Variants in SCFD2 observed in about 807,000 individuals in gnomAD.
SCFD2 encodes sec1 family domain containing 2, also known as sec1 family domain-containing protein 2.
In SCFD2, 54 loss-of-function variants were observed where a neutral mutation model predicts 58.9. That is an observed-to-expected ratio of 0.92 (90% CI 0.74 to 1.15). The LOEUF (loss-of-function observed/expected upper bound fraction) is 1.15. Among genes scored for constraint, SCFD2 ranks in the 50% most tolerant of loss-of-function variants. The pLI is 0.00. For missense variants in SCFD2, 805 were observed against 836.6 expected (o/e 0.96, Z 0.47); for synonymous variants, 321 against 335.9 (o/e 0.96, Z 0.49).
chr4:53,319,454 C>A (rs1436287281), intron 2 of SCFD2, among the ~76,000 whole-genome samples: 4 of 152,118 alleles, frequency 2.6e-5, no homozygotes, highest in African/African-American at 9.7e-5. Flanking sequence ...AATTGCCTTA[C>A]AGGTATTATT....
Position 53,170,317 on chromosome 4 carries a change from A to G in SCFD2, c.1312-24735T>C, listed in dbSNP as rs749635786. Among the ~76,000 whole-genome samples the G allele has an allele frequency of 6.6e-5, 10 of 152,300 alleles. No individual in the cohort carries two copies. The East Asian group carries it at 9.6e-4, about 15-fold the overall frequency. On this transcript the variant is annotated intron_variant, in intron 4 of 8. Transcript: ENST00000401642. ...CTTTTTCCCACTGTGTGGATTGGGCATCTTTGGCAAAAATCAATTTTCTGA... is the reference window on the plus strand; with the variant it reads ...CTTTTTCCCACTGTGTGGATTGGGCGTCTTTGGCAAAAATCAATTTTCTGA...
At chr4:53,102,700 C>CA (rs920591259) in intron 5 of SCFD2, among the ~76,000 whole-genome samples, 1 of 151,778 alleles carries the variant, frequency 6.6e-6, no homozygotes, top group African/African-American at 2.4e-5. Flanking sequence ...ATCAGTTTGA[C>CA]AAAAAAACAA....
intron 6 of SCFD2, among the ~76,000 whole-genome samples, chr4:52,911,472 G>A (rs1005130718): frequency 6.6e-6 from 1 of 152,122 alleles, no homozygotes; most frequent in African/African-American, 2.4e-5. Context: ...CTTTGTGATT[G>A]TTCTGTGCTA....
chr4:53,049,628 A>T (rs1723133820), intron 5 of SCFD2, among the ~76,000 whole-genome samples: 1 of 152,130 alleles, frequency 6.6e-6, no homozygotes. Context: ...AAATGACAGA[A>T]TAATGTTAAA....
At chr4:53,330,583 C>T (rs1298630317) in intron 2 of SCFD2, among the ~76,000 whole-genome samples, 1 of 152,106 alleles carries the variant, frequency 6.6e-6, no homozygotes, top group African/African-American at 2.4e-5. Flanking sequence ...TTTACAAGAG[C>T]TCCTGAAGGA....
chr4:53,185,828 TA>T (rs1727721595), intron 4 of SCFD2, among the ~76,000 whole-genome samples: 2 of 152,096 alleles, frequency 1.3e-5, no homozygotes, highest in South Asian at 4.1e-4. Context: ...TAAAAGTTAA[TA>T]AAACTGGCTC....
At chr4:53,119,540 A>C (rs2148890900) in intron 5 of SCFD2, among the ~76,000 whole-genome samples, 1 of 152,290 alleles carries the variant, frequency 6.6e-6, no homozygotes, top group African/African-American at 2.4e-5. Flanking sequence ...GGAGTGGATC[A>C]GAGGAAGAGA....
intron 5 of SCFD2, among the ~76,000 whole-genome samples, chr4:53,064,475 G>A (rs1413171392): frequency 1.3e-5 from 2 of 152,098 alleles, no homozygotes; most frequent in Non-Finnish European, 2.9e-5. Flanking sequence ...CTGAAGACAC[G>A]ATAGAGCCCA....
rs180829600 is a variant in SCFD2 at position 53,123,539 on chromosome 4, G to A, written c.1561+21794C>T. Among the ~76,000 whole-genome samples, 4 of 132,796 alleles carry A rather than the reference G, an allele frequency of 3.0e-5. 1 individual carries two copies. The Middle Eastern group carries it at 0.012, about 398-fold the overall frequency. The allele number at this position is 132,796 out of a possible 152,430, so 87.1% of individuals were successfully genotyped here. A position where few individuals can be genotyped will look rare whatever the true frequency, so the allele number is the denominator to read the frequency against. On this transcript the variant is annotated intron_variant, in intron 5 of 8. Transcript: ENST00000401642. ...GCTAACATGAGATGGGGGTGGGGGGGGGGCACTGACAAACATTCCTAGCAA... is the reference window on the plus strand; with the variant it reads ...GCTAACATGAGATGGGGGTGGGGGGAGGGCACTGACAAACATTCCTAGCAA...
chr4:53,086,813 G>A (rs1724319056), intron 5 of SCFD2, among the ~76,000 whole-genome samples: 2 of 152,164 alleles, frequency 1.3e-5, no homozygotes, highest in African/African-American at 4.8e-5. Context: ...TCACTTATTT[G>A]TGGGTGCCAA....
At chr4:53,247,867 CAAAAAAAA>C (rs35585900) in intron 4 of SCFD2, among the ~76,000 whole-genome samples, 969 of 54,524 alleles carry the variant, frequency 0.018, 11 homozygotes, top group African/African-American at 0.056. Context: ...GACTCCGTCT[CAAAAAAAA>C]AAAAAAAAAA....
At chr4:52,882,449 G>A (rs919730968) in intron 8 of SCFD2, among the ~76,000 whole-genome samples, 1 of 152,148 alleles carries the variant, frequency 6.6e-6, no homozygotes, top group Non-Finnish European at 1.5e-5. Flanking sequence ...TTAGATTGAA[G>A]GATGCAAAGT....
chr4:52,955,484 A>G (rs1410418913), intron 5 of SCFD2, among the ~76,000 whole-genome samples: 1 of 152,154 alleles, frequency 6.6e-6, no homozygotes, highest in Non-Finnish European at 1.5e-5. Flanking sequence ...ACTTCTCACA[A>G]TGGCTCTATA....
intron 5 of SCFD2, among the ~76,000 whole-genome samples, chr4:53,045,362 T>C (rs1334823971): frequency 6.6e-6 from 1 of 152,156 alleles, no homozygotes; most frequent in Non-Finnish European, 1.5e-5. Context: ...GGCACTTAAT[T>C]TGTAAATGCA....
At chr4:52,903,668 T>G (rs781554428) in intron 7 of SCFD2, among the ~76,000 whole-genome samples, 1 of 152,236 alleles carries the variant, frequency 6.6e-6, no homozygotes, top group Non-Finnish European at 1.5e-5. Context: ...TCACATTCTT[T>G]TGATAAATAA....
intron 2 of SCFD2, among the ~76,000 whole-genome samples, chr4:53,318,819 C>A (rs1378977080): frequency 1.3e-5 from 2 of 152,040 alleles, no homozygotes; most frequent in Non-Finnish European, 2.9e-5. Flanking sequence ...TACCATCACT[C>A]CATTCTATTT....
chr4:53,342,673 T>C (rs1225681398), intron 2 of SCFD2, among the ~76,000 whole-genome samples: 1 of 152,174 alleles, frequency 6.6e-6, no homozygotes, highest in Admixed American at 6.5e-5. Flanking sequence ...CAGCACCATA[T>C]TGCACTTATT....
intron 4 of SCFD2, among the ~76,000 whole-genome samples, chr4:53,255,024 C>A (rs552642787): frequency 6.7e-6 from 1 of 150,370 alleles, no homozygotes; most frequent in Admixed American, 6.6e-5. Context: ...AGGCACACAC[C>A]GCCATGCCCA....
chr4:53,253,295 T>C (rs1730468501), intron 4 of SCFD2, among the ~76,000 whole-genome samples: 1 of 152,204 alleles, frequency 6.6e-6, no homozygotes, highest in African/African-American at 2.4e-5. Context: ...TTGGTGGGAT[T>C]GTAAACTAGT....
Sources: gnomAD v4.1 joint callset for allele counts (sites outside exome capture counted in the v4.1 genomes callset) on GRCh38, gnomAD v4.1.1 for gene constraint, MANE v1.5 for transcripts, NCBI Gene and HGNC (gene_info 2026-07-23, HGNC 2026-07-21) for gene names.